BDP1: variants seen among roughly 807,000 people sequenced by gnomAD.
The protein encoded by BDP1 is transcription factor TFIIIB component B'' homolog.
A neutral mutation model predicts 266.6 loss-of-function variants in BDP1; 169 were observed. The observed-to-expected ratio is 0.63, with a 90% CI of 0.56 to 0.72. The LOEUF is 0.72. BDP1 is among the 30% of genes least tolerant of loss of function. The pLI, the probability that BDP1 is intolerant of heterozygous loss-of-function variation, is 0.00. For synonymous variants in BDP1, 1,090 were observed against 1,022.4 expected (o/e 1.07, Z -1.26); for missense variants, 3,015 against 3,053.8 (o/e 0.99, Z 0.30).
At position 71,517,256 on chromosome 5, in the gene BDP1, T is replaced by C. The variant is rs1351945699; in HGVS notation, c.4861-66T>C. ...TTTAAAAAACTAAATATCTTAATGG[T>C]GGAAATATTTTAAGAGGTATATTCT... On this transcript the variant is annotated intron_variant, in intron 21 of 38. Transcript: ENST00000358731. 6.3e-6 allele frequency: 8 copies of C among 1,262,222 alleles called. No individual in the cohort carries two copies. The East Asian group carries it at 2.1e-4, about 33-fold the overall frequency. 78.2% of individuals were successfully genotyped at this position (1,262,222 alleles called of 1,614,324 possible). A position where few individuals can be genotyped will look rare whatever the true frequency, so the allele number is the denominator to read the frequency against.
At chr5:71,514,340 C>T (rs1765105063) in intron 19 of BDP1, among the ~76,000 whole-genome samples, 1 of 152,064 alleles carries the variant, frequency 6.6e-6, no homozygotes. Context: ...TTGTATTATA[C>T]TTTCTGATTA....
chr5:71,524,872 A>G (rs1015480283), intron 25 of BDP1, among the ~76,000 whole-genome samples: 6 of 151,032 alleles, frequency 4.0e-5, no homozygotes, highest in African/African-American at 1.5e-4. Flanking sequence ...TCTGTTTAAC[A>G]AAGCACATCT....
chr5:71,547,155 CT>C (rs371357111), intron 32 of BDP1, among the ~76,000 whole-genome samples: 4 of 149,434 alleles, frequency 2.7e-5, no homozygotes, highest in Middle Eastern at 3.5e-3. Flanking sequence ...GCCTGGCCAG[CT>C]TTTTTTTTAT....
intron 34 of BDP1, among the ~76,000 whole-genome samples, chr5:71,552,601 C>CGCGGTTAG (rs1283379191): frequency 2.6e-5 from 4 of 151,672 alleles, no homozygotes; most frequent in Non-Finnish European, 5.9e-5. Context: ...GCGGATCACT[C>CGCGGTTAG]GCGGTTAGGA....
Position 71,458,474 on chromosome 5 carries a change from T to A in BDP1, c.213-105T>A, listed in dbSNP as rs564248148. On this transcript the variant is annotated intron_variant, in intron 1 of 38. Coordinates refer to ENST00000358731, the MANE Select transcript of BDP1 (RefSeq NM_018429.3). ...TCTCAAGTTACTAATTTTTTTTTTT[T>A]AATTACGAGATTGCAGTTTTGGATT... The A allele has an allele frequency of 1.1e-5, 9 of 823,796 alleles. No homozygotes were observed. In the East Asian group the frequency reaches 2.3e-4, roughly 21 times the overall value. The allele number at this position is 823,796 out of a possible 1,614,324, so 51.0% of individuals were successfully genotyped here.
rs759571437 is a variant in BDP1, at chr5:71,483,854, C to T, written c.1027C>T (p.Arg343Trp). Reference protein sequence around the residue: ...ARIEIKNKFKREEKTNGWRID... With the variant: ...ARIEIKNKFKWEEKTNGWRID... ...TTGTTGTTAACAGAATAAATTTAAA[C>T]GGGAAGAGAAAACAAATGGATGGAG... The change falls in exon 8 of 39, where the codon CGG (arginine) becomes TGG (tryptophan). Residue 343 changes from arginine to tryptophan, a missense_variant. Transcript: ENST00000358731. The T allele has an allele frequency of 8.1e-6, 13 of 1,609,780 alleles. No homozygotes were observed. The highest frequency in any genetic ancestry group is 1.1e-5 in the South Asian group (1 of 90,818).
At chr5:71,533,632 A>AT (rs955165809) in intron 26 of BDP1, among the ~76,000 whole-genome samples, 125 of 145,588 alleles carry the variant, frequency 8.6e-4, no homozygotes, top group Middle Eastern at 3.5e-3. Flanking sequence ...TGCCCAGCTA[A>AT]TTTTTTTTTT....
intron 28 of BDP1, among the ~76,000 whole-genome samples, chr5:71,540,023 C>G (rs1453268967): frequency 6.6e-6 from 1 of 152,026 alleles, no homozygotes; most frequent in African/African-American, 2.4e-5. Context: ...AAAGGAGTTG[C>G]TGCTTGGGAT....
intron 32 of BDP1, among the ~76,000 whole-genome samples, chr5:71,546,812 T>A (rs1561776793): frequency 6.6e-6 from 1 of 151,078 alleles, no homozygotes. Flanking sequence ...ACAGTTTCAT[T>A]CCAGTTTCCC....
rs764263078 is a variant in BDP1, at chr5:71,522,937, A to G, written c.5375A>G (p.Asn1792Ser). The change falls in exon 24 of 39, where the codon AAT becomes AGT. Residue 1792 changes from asparagine to serine, a missense_variant. Physicochemically the swap from Asn to Ser is conservative, Grantham distance 46. Around this residue, in one of 3 missense-constraint regions of BDP1, gnomAD observed 2,383 missense variants for 2,404.9 expected, o/e 0.99. Transcript: ENST00000358731. Reference sequence around the variant, plus strand: ...TCAGTTGTTGAAGAGCAATATCTCAATAAACTAACAAGGTAACATTTTATT... The same window carrying G: ...TCAGTTGTTGAAGAGCAATATCTCAGTAAACTAACAAGGTAACATTTTATT... The part of the protein sequence containing the change: ...PSSVVEEQYL[N>S]KLTSCPQPLN... 3.2e-6 allele frequency: 5 copies of G among 1,580,996 alleles called. No homozygotes were observed. In the African/African-American group the frequency reaches 4.1e-5, roughly 13 times the overall value.
Position 71,472,608 on chromosome 5 carries a change from A to AT in BDP1, c.1014+2126dup, listed in dbSNP as rs1298516043. 3.3e-5 allele frequency among the ~76,000 whole-genome samples: 5 copies of AT among 151,728 alleles called. No homozygotes were observed. In the South Asian group the frequency reaches 6.2e-4, roughly 19 times the overall value. Reference sequence around the variant, plus strand: ...TCTATTTTGCTACATTTTCTTGAGGATTTTTTTGCTACTTTGTTCATAAGG... The same window carrying AT: ...TCTATTTTGCTACATTTTCTTGAGGATTTTTTTTGCTACTTTGTTCATAAGG... On this transcript the variant is annotated intron_variant, in intron 7 of 38. Coordinates refer to ENST00000358731, the MANE Select transcript of BDP1 (RefSeq NM_018429.3).
At chr5:71,558,856 C>A (rs1274502168) in intron 36 of BDP1, among the ~76,000 whole-genome samples, 5 of 148,908 alleles carry the variant, frequency 3.4e-5, no homozygotes, top group African/African-American at 1.2e-4. Flanking sequence ...AACAAAAAAA[C>A]CCCACACATA....
At position 71,458,633 on chromosome 5, in the gene BDP1, T is replaced by C. The variant is rs559362895; in HGVS notation, c.267T>C (p.Ser89=). The change falls in exon 2 of 39, where the codon TCT becomes TCC. Residue 89 remains serine, a synonymous_variant. Transcript: ENST00000358731. ...NDVEESSRSS[S]TVSQRRKRIS... ...TTGAAGAATCCAGTAGATCTTCCTC[T>C]ACTGTTTCACAGAGAAGAAAGCGAA... 1 of 1,613,500 alleles carries C rather than the reference T, an allele frequency of 6.2e-7. No homozygotes were observed. Among genetic ancestry groups the C allele is most frequent in the South Asian group, 1.1e-5 (1 of 91,070 alleles).
chr5:71,562,786 A>G, intron 38 of BDP1: 1 of 1,362,154 alleles, frequency 7.3e-7, no homozygotes, highest in Non-Finnish European at 9.6e-7. Context: ...GACCCTTCTG[A>G]CTTGTGGAAG....
intron 3 of BDP1, among the ~76,000 whole-genome samples, chr5:71,462,852 G>GC (rs1209969365): frequency 1.3e-4 from 20 of 152,186 alleles, no homozygotes; most frequent in African/African-American, 4.1e-4. Flanking sequence ...TGCAATTTTG[G>GC]CCAGGCGAGG....
At position 71,497,433 on chromosome 5, in the gene BDP1, G is replaced by A. The variant is rs1763964691; in HGVS notation, c.1956+7G>A. 2 of 1,575,156 alleles carry A rather than the reference G, an allele frequency of 1.3e-6. No homozygotes were observed. Among genetic ancestry groups the A allele is most frequent in the African/African-American group, 1.4e-5 (1 of 72,770 alleles). On this transcript the variant is annotated splice_region_variant and intron_variant, in intron 13 of 38. Transcript: ENST00000358731. Reference sequence around the variant, plus strand: ...AAAAACTTCAGTTGAAAAGGTATGGGGTAAGAGATTTCATGGAAATTAAAA... The same window carrying A: ...AAAAACTTCAGTTGAAAAGGTATGGAGTAAGAGATTTCATGGAAATTAAAA...
intron 26 of BDP1, among the ~76,000 whole-genome samples, chr5:71,535,556 C>T (rs964641689): frequency 1.3e-5 from 2 of 152,100 alleles, no homozygotes; most frequent in African/African-American, 4.8e-5. Context: ...AACTTGATAG[C>T]TTATAACCAC....
chr5:71,462,274 T>G (rs1313223082), intron 3 of BDP1, among the ~76,000 whole-genome samples: 1 of 152,200 alleles, frequency 6.6e-6, no homozygotes, highest in African/African-American at 2.4e-5. Flanking sequence ...TCTGTTTTAC[T>G]TTATTTGGGT....
chr5:71,456,865 A>G (rs1761222956), intron 1 of BDP1, among the ~76,000 whole-genome samples: 1 of 152,232 alleles, frequency 6.6e-6, no homozygotes, highest in Non-Finnish European at 1.5e-5. Flanking sequence ...TATATATATG[A>G]GGAAATCAGT....
Sources: gnomAD v4.1 joint callset for allele counts (sites outside exome capture counted in the v4.1 genomes callset) on GRCh38, gnomAD v4.1.1 for gene constraint, gnomAD v4.1.1 regional missense constraint, MANE v1.5 for transcripts, NCBI Gene and HGNC (gene_info 2026-07-23, HGNC 2026-07-21) for gene names.